SLC35F1: variants seen among roughly 807,000 people sequenced by gnomAD.
The protein encoded by SLC35F1 is chromosome 6 open reading frame 169.
Under a neutral mutation model 48.7 loss-of-function variants are expected in SLC35F1, and 14 were observed. The observed-to-expected ratio is 0.29, with a 90% confidence interval of 0.19 to 0.45. The LOEUF (loss-of-function observed/expected upper bound fraction) is 0.45, where lower values mean the gene tolerates loss of function less well. Among genes scored for constraint, SLC35F1 ranks in the 20% least tolerant of loss-of-function variants. SLC35F1 has a pLI of 1.00. For synonymous variants in SLC35F1, 190 were observed against 202.2 expected, an observed-to-expected ratio of 0.94 and a Z score of 0.51; for missense variants, 404 against 500.0, an observed-to-expected ratio of 0.81 and a Z score of 1.83.
At chr6:118,092,503 C>T (rs1773090033) in intron 1 of SLC35F1, among the ~76,000 whole-genome samples, 1 of 152,216 alleles carries the variant, frequency 6.6e-6, no homozygotes, top group Non-Finnish European at 1.5e-5. Flanking sequence ...ACAGAGTCCC[C>T]ACTGGGGCAC....
intron 1 of SLC35F1, among the ~76,000 whole-genome samples, chr6:117,936,495 G>A (rs182215857): frequency 1.5e-3 from 224 of 152,298 alleles, no homozygotes; most frequent in African/African-American, 5.2e-3. Context: ...TTGCAATTGA[G>A]TTCTCCTCCA....
intron 1 of SLC35F1, among the ~76,000 whole-genome samples, chr6:118,002,491 C>T (rs1777115550): frequency 6.6e-6 from 1 of 151,576 alleles, no homozygotes; most frequent in African/African-American, 2.4e-5. Context: ...AGGAGATATA[C>T]CTAATGTTAA....
At chr6:117,983,818 A>C (rs1255151674) in intron 1 of SLC35F1, among the ~76,000 whole-genome samples, 1 of 152,138 alleles carries the variant, frequency 6.6e-6, no homozygotes, top group Non-Finnish European at 1.5e-5. Flanking sequence ...CTGATCCCTT[A>C]CACCTGTTGT....
chr6:118,200,964 C>T (rs904208219), intron 2 of SLC35F1, among the ~76,000 whole-genome samples: 4 of 152,134 alleles, frequency 2.6e-5, no homozygotes, highest in Admixed American at 1.3e-4. Context: ...TTGCTCACCA[C>T]AGCCTCAAAC....
intron 1 of SLC35F1, among the ~76,000 whole-genome samples, chr6:118,057,586 G>A (rs1194148866): frequency 1.3e-5 from 2 of 152,152 alleles, no homozygotes; most frequent in East Asian, 3.9e-4. Flanking sequence ...TGGCTAAAAC[G>A]CTATTGTCTT....
At chr6:118,012,983 C>G (rs78331561) in intron 1 of SLC35F1, among the ~76,000 whole-genome samples, 1,606 of 152,130 alleles carry the variant, frequency 0.011, 29 homozygotes, top group African/African-American at 0.036. Context: ...GGTCAGAGCC[C>G]TCTTCGAGTT....
chr6:118,309,764 G>A (rs1776352368), intron 7 of SLC35F1, among the ~76,000 whole-genome samples: 1 of 152,210 alleles, frequency 6.6e-6, no homozygotes, highest in Admixed American at 6.5e-5. Context: ...GTGATGTGCT[G>A]AATGCCACAT....
intron 2 of SLC35F1, among the ~76,000 whole-genome samples, chr6:118,187,150 A>G (rs1774668138): frequency 6.6e-6 from 1 of 152,222 alleles, no homozygotes. Context: ...GAAATGAGAT[A>G]ATGTATGTAA....
chr6:117,907,823 GGCA>G lies in SLC35F1; in HGVS notation c.100_102del (p.Ser34del), dbSNP rs1414132759. 6.5e-7 allele frequency: 1 copy of G among 1,544,858 alleles called. No homozygotes were observed. The highest frequency in any genetic ancestry group is 1.4e-5 in the African/African-American group (1 of 70,374). ...CACCATCGAGAACCTGCCGGCCGAG[GGCA>G]GCGGCGGCGGCGGGAGCCTGTCCGC... On this transcript the variant is annotated inframe_deletion, in exon 1 of 8. Transcript: ENST00000360388.
At chr6:118,157,553 T>C (rs6939605) in intron 2 of SLC35F1, among the ~76,000 whole-genome samples, 24,488 of 152,070 alleles carry the variant, frequency 0.16, 2,028 homozygotes, top group South Asian at 0.31. Context: ...ACTTCAAAAG[T>C]AGGGAAGCCA....
intron 3 of SLC35F1, among the ~76,000 whole-genome samples, chr6:118,256,056 TAC>T (rs1461519570): frequency 1.3e-5 from 2 of 152,164 alleles, no homozygotes; most frequent in Non-Finnish European, 2.9e-5. Context: ...TCCCTGGAAT[TAC>T]ACTCCTGGTC....
chr6:117,966,128 A>AC (rs1776560909), intron 1 of SLC35F1, among the ~76,000 whole-genome samples: 11 of 17,206 alleles, frequency 6.4e-4, no homozygotes, highest in Admixed American at 1.2e-3. Flanking sequence ...AAAGCAGGCC[A>AC]CCGCCCCCCC....
chr6:118,140,191 C>G (rs188824224), intron 1 of SLC35F1, among the ~76,000 whole-genome samples: 45 of 152,282 alleles, frequency 3.0e-4, no homozygotes, highest in Non-Finnish European at 2.9e-4. Flanking sequence ...TCTGAAATTA[C>G]TTGGATTTAC....
At chr6:117,955,809 A>G (rs1451946729) in intron 1 of SLC35F1, among the ~76,000 whole-genome samples, 1 of 152,164 alleles carries the variant, frequency 6.6e-6, no homozygotes, top group Admixed American at 6.5e-5. Context: ...ACCTTGCTCA[A>G]TTTAAAGTTT....
intron 3 of SLC35F1, among the ~76,000 whole-genome samples, chr6:118,242,379 T>TA (rs5879456): frequency 0.93 from 141,803 of 152,240 alleles, 66,340 homozygotes; most frequent in Middle Eastern, 0.99. Context: ...AATCTGAAGC[T>TA]AAAAAAGTTA....
chr6:118,211,199 C>T (rs917414618), intron 2 of SLC35F1, among the ~76,000 whole-genome samples: 3 of 152,172 alleles, frequency 2.0e-5, no homozygotes, highest in African/African-American at 4.8e-5. Flanking sequence ...TTGCTTAAAC[C>T]ATCTAGTCTG....
At chr6:118,145,427 T>A (rs539135505) in intron 1 of SLC35F1, among the ~76,000 whole-genome samples, 1 of 152,268 alleles carries the variant, frequency 6.6e-6, no homozygotes, top group East Asian at 1.9e-4. Flanking sequence ...TAAAAATAAT[T>A]CCTACAGAGA....
chr6:118,227,282 G>C (rs931116633), intron 2 of SLC35F1, among the ~76,000 whole-genome samples: 1 of 152,160 alleles, frequency 6.6e-6, no homozygotes, highest in African/African-American at 2.4e-5. Context: ...AGCAAGAACC[G>C]GCACATGTAG....
chr6:118,086,718 T>C (rs533694457), intron 1 of SLC35F1, among the ~76,000 whole-genome samples: 2 of 152,348 alleles, frequency 1.3e-5, no homozygotes, highest in South Asian at 4.1e-4. Flanking sequence ...CACCGTGGTC[T>C]TTCCTCTTAC....
Sources: gnomAD v4.1 joint callset for allele counts (sites outside exome capture counted in the v4.1 genomes callset) on GRCh38, gnomAD v4.1.1 for gene constraint, MANE v1.5 for transcripts, NCBI Gene and HGNC (gene_info 2026-07-23, HGNC 2026-07-21) for gene names.